GABRG3: variants seen among roughly 807,000 people sequenced by gnomAD.
The protein encoded by GABRG3 is gamma-aminobutyric acid receptor subunit gamma-3.
GABRG3 carries 25 observed loss-of-function variants against 48.8 expected under a neutral mutation model. That is an observed-to-expected ratio of 0.51 (90% CI 0.37 to 0.72). GABRG3 has a LOEUF of 0.72. Ranked by LOEUF, GABRG3 falls within the 30% of genes least tolerant of loss-of-function variation. The pLI is 0.00. For missense variants in GABRG3, 394 were observed against 577.9 expected, an observed-to-expected ratio of 0.68 and a Z score of 3.26; for synonymous variants, 227 against 217.6, an observed-to-expected ratio of 1.04 and a Z score of -0.38.
chr15:27,265,679 C>G (rs1348601123), intron 3 of GABRG3, among the ~76,000 whole-genome samples: 1 of 152,156 alleles, frequency 6.6e-6, no homozygotes, highest in African/African-American at 2.4e-5. Context: ...AGCTACCAGT[C>G]CTTTATCAAG....
At position 27,244,268 on chromosome 15, in the gene GABRG3, C is replaced by T. The variant is rs559252208; in HGVS notation, c.271-82541C>T. Among the ~76,000 whole-genome samples the T allele has an allele frequency of 9.9e-5, 15 of 152,230 alleles. No homozygotes were observed. In the East Asian group the frequency reaches 1.2e-3, roughly 12 times the overall value. On this transcript the variant is annotated intron_variant, in intron 3 of 9. Coordinates refer to ENST00000615808, the MANE Select transcript of GABRG3 (RefSeq NM_033223.5). ...GAAATATGTTAACAGGTCTATTAAC[C>T]GCCCACAGAGTCAGCACCATAGCAA...
intron 5 of GABRG3, among the ~76,000 whole-genome samples, chr15:27,337,202 A>G (rs1894004677): frequency 6.6e-6 from 1 of 152,042 alleles, no homozygotes; most frequent in Admixed American, 6.6e-5. Context: ...AAATGTCTTC[A>G]TTTTCAGATG....
At chr15:27,313,426 A>C (rs1241897853) in intron 3 of GABRG3, among the ~76,000 whole-genome samples, 1 of 150,078 alleles carries the variant, frequency 6.7e-6, no homozygotes, top group African/African-American at 2.4e-5. Context: ...TACTGGATAG[A>C]CCAACCAGAC....
intron 2 of GABRG3, among the ~76,000 whole-genome samples, chr15:26,979,686 A>T (rs1271122762): frequency 6.6e-6 from 1 of 152,192 alleles, no homozygotes; most frequent in Non-Finnish European, 1.5e-5. Flanking sequence ...TTGATTTTCA[A>T]ATATTGAATC....
chr15:26,977,478 A>C (rs2140634812), intron 2 of GABRG3, among the ~76,000 whole-genome samples: 1 of 152,168 alleles, frequency 6.6e-6, no homozygotes, highest in Non-Finnish European at 1.5e-5. Context: ...TCCTTCCCCC[A>C]AAATTTCTAA....
chr15:27,227,109 G>A (rs991564767), intron 3 of GABRG3, among the ~76,000 whole-genome samples: 1 of 152,184 alleles, frequency 6.6e-6, no homozygotes, highest in South Asian at 2.1e-4. Context: ...GGCTTAACTT[G>A]CATAGAATGT....
intron 6 of GABRG3, among the ~76,000 whole-genome samples, chr15:27,504,131 A>G (rs1457945113): frequency 6.6e-6 from 1 of 152,126 alleles, no homozygotes; most frequent in African/African-American, 2.4e-5. Flanking sequence ...TTGAAAAACT[A>G]TGACTTAATT....
chr15:27,514,016 C>G lies in GABRG3; in HGVS notation c.713-5956C>G, dbSNP rs531346395. On this transcript the variant is annotated intron_variant, in intron 6 of 9. Transcript: ENST00000615808. ...AACTTTTTCTTAACTGCTGTACTTT[C>G]AGGCAGCTACACTGATTATCTAAAT... 4.6e-5 allele frequency among the ~76,000 whole-genome samples: 7 copies of G among 152,314 alleles called. No homozygotes were observed. In the South Asian group the frequency reaches 1.4e-3, roughly 32 times the overall value.
At chr15:27,399,147 ATATGT>A (rs1425188671) in intron 5 of GABRG3, among the ~76,000 whole-genome samples, 22 of 152,240 alleles carry the variant, frequency 1.4e-4, no homozygotes, top group African/African-American at 5.3e-4. Flanking sequence ...ATCAGCTAAA[ATATGT>A]TATTTATTAC....
chr15:27,032,785 C>T (rs563268722), intron 3 of GABRG3, among the ~76,000 whole-genome samples: 1 of 152,142 alleles, frequency 6.6e-6, no homozygotes, highest in Non-Finnish European at 1.5e-5. Context: ...AACCATATCA[C>T]CTGGCAATTT....
At chr15:27,248,939 C>T (rs543408171) in intron 3 of GABRG3, among the ~76,000 whole-genome samples, 12 of 152,174 alleles carry the variant, frequency 7.9e-5, no homozygotes, top group Admixed American at 2.0e-4. Context: ...AAGCCATCGG[C>T]GACTGGCCCC....
chr15:27,170,124 C>A (rs1887516178), intron 3 of GABRG3, among the ~76,000 whole-genome samples: 1 of 152,204 alleles, frequency 6.6e-6, no homozygotes, highest in African/African-American at 2.4e-5. Context: ...CGGGAGCCTA[C>A]TGAAGGAGTG....
At chr15:27,173,634 G>T (rs116240090) in intron 3 of GABRG3, among the ~76,000 whole-genome samples, 3,490 of 150,878 alleles carry the variant, frequency 0.023, 138 homozygotes, top group African/African-American at 0.081. Context: ...GCTTTGAGAG[G>T]CCAAAGCAGG....
intron 3 of GABRG3, among the ~76,000 whole-genome samples, chr15:27,184,736 G>T (rs569320326): frequency 6.6e-6 from 1 of 152,144 alleles, no homozygotes; most frequent in Non-Finnish European, 1.5e-5. Context: ...GGACCATACA[G>T]GTTGTGTTTA....
intron 3 of GABRG3, among the ~76,000 whole-genome samples, chr15:27,316,522 G>C (rs188453269): frequency 1.3e-5 from 2 of 152,138 alleles, no homozygotes; most frequent in Admixed American, 1.3e-4. Flanking sequence ...TCATTGGTCA[G>C]ATTAAAGAAA....
At chr15:27,103,457 G>T (rs1298366229) in intron 3 of GABRG3, among the ~76,000 whole-genome samples, 1 of 152,072 alleles carries the variant, frequency 6.6e-6, no homozygotes, top group African/African-American at 2.4e-5. Flanking sequence ...GTCCAACTAG[G>T]GTGGCCAGCC....
At chr15:27,467,964 C>T (rs1391522969) in intron 5 of GABRG3, among the ~76,000 whole-genome samples, 2 of 152,318 alleles carry the variant, frequency 1.3e-5, no homozygotes, top group Non-Finnish European at 2.9e-5. Context: ...TACCATCCAG[C>T]TCCATCCCAC....
At chr15:27,043,813 C>G (rs1896318334) in intron 3 of GABRG3, among the ~76,000 whole-genome samples, 1 of 152,214 alleles carries the variant, frequency 6.6e-6, no homozygotes, top group Non-Finnish European at 1.5e-5. Flanking sequence ...CAGAGCTTAG[C>G]TGGCTCCTCC....
intron 5 of GABRG3, among the ~76,000 whole-genome samples, chr15:27,434,168 A>G (rs553139508): frequency 6.6e-6 from 1 of 152,370 alleles, no homozygotes; most frequent in Admixed American, 6.5e-5. Flanking sequence ...ATATTCACAC[A>G]CGTTATAAGT....
Sources: gnomAD v4.1 joint callset for allele counts (sites outside exome capture counted in the v4.1 genomes callset) on GRCh38, gnomAD v4.1.1 for gene constraint, MANE v1.5 for transcripts, NCBI Gene and HGNC (gene_info 2026-07-23, HGNC 2026-07-21) for gene names.